The following PDE8B variants were observed in gnomAD, a reference collection of about 807,000 sequenced individuals.
The protein encoded by PDE8B is high affinity cAMP-specific and IBMX-insensitive 3',5'-cyclic phosphodiesterase 8B.
PDE8B carries 26 observed loss-of-function variants against 101.3 expected under a neutral mutation model. The ratio of observed to expected loss-of-function variants is 0.26; its 90% CI spans 0.19 to 0.36. The LOEUF is 0.36. PDE8B is among the 10% of genes least tolerant of loss of function. The pLI is 1.00. For synonymous variants in PDE8B, 424 were observed against 429.3 expected (o/e 0.99, Z 0.15); for missense variants, 810 against 1,163.1 (o/e 0.70, Z 4.42).
At chr5:77,285,857 C>T (rs1042553191) in intron 1 of PDE8B, among the ~76,000 whole-genome samples, 2 of 152,116 alleles carry the variant, frequency 1.3e-5, no homozygotes, top group African/African-American at 4.8e-5. Flanking sequence ...CCTCCCTAAT[C>T]TCTAGTCTGT....
chr5:77,316,184 T>C (rs1773729862), intron 2 of PDE8B, among the ~76,000 whole-genome samples: 1 of 152,236 alleles, frequency 6.6e-6, no homozygotes, highest in African/African-American at 2.4e-5. Context: ...TACATTTTCT[T>C]TTCTCTAATA....
In PDE8B at chr5:77,215,320, C is replaced by A. The variant is rs185322997; in HGVS notation, c.339+4056C>A. On this transcript the variant is annotated intron_variant, in intron 1 of 21. Transcript: ENST00000264917. ...GAATTCTTGCTAGGCCTTTCACCAT[C>A]ATTTTTCATTTTAAAATGAAGTATA... Among the ~76,000 whole-genome samples, 7 of 152,338 alleles carry A rather than the reference C, an allele frequency of 4.6e-5. No individual in the cohort carries two copies. The East Asian group carries it at 1.3e-3, about 29-fold the overall frequency.
At chr5:77,376,016 C>T (rs1786058878) in intron 10 of PDE8B, among the ~76,000 whole-genome samples, 1 of 151,902 alleles carries the variant, frequency 6.6e-6, no homozygotes, top group Non-Finnish European at 1.5e-5. Flanking sequence ...CCTCCACCTC[C>T]TGCGTAGCTG....
chr5:77,108,345 C>A, the PDE8B span, among the ~76,000 whole-genome samples: 1 of 152,142 alleles, frequency 6.6e-6, no homozygotes, highest in Non-Finnish European at 1.5e-5. Context: ...CTATTCATTT[C>A]TTTGACAGGC....
At position 77,303,888 on chromosome 5, in the gene PDE8B, C is replaced by T. The variant is rs149978875; in HGVS notation, c.340-8106C>T. Reference sequence around the variant, plus strand: ...AGTAACTCTAGTTGTTTCATTTTTACTGTTGTATAATATTCTATTGTATGG... The same window carrying T: ...AGTAACTCTAGTTGTTTCATTTTTATTGTTGTATAATATTCTATTGTATGG... On this transcript the variant is annotated intron_variant, in intron 1 of 21. Coordinates refer to ENST00000264917, the MANE Select transcript of PDE8B (RefSeq NM_003719.5). 5.0e-4 allele frequency among the ~76,000 whole-genome samples: 76 copies of T among 152,164 alleles called. 1 individual carries two copies. The East Asian group carries it at 6.9e-3, about 14-fold the overall frequency.
chr5:77,341,153 A>G (rs1002312757), intron 6 of PDE8B, among the ~76,000 whole-genome samples: 5 of 152,196 alleles, frequency 3.3e-5, no homozygotes, highest in Non-Finnish European at 7.3e-5. Flanking sequence ...CTCTAGAAAC[A>G]TGACTCAAGT....
the PDE8B span, among the ~76,000 whole-genome samples, chr5:77,175,817 C>T: frequency 6.6e-6 from 1 of 152,042 alleles, no homozygotes; most frequent in African/African-American, 2.4e-5. Flanking sequence ...ACCTCACCAC[C>T]GATTTATATA....
At chr5:77,264,535 G>GC (rs1761295026) in intron 1 of PDE8B, among the ~76,000 whole-genome samples, 1 of 152,040 alleles carries the variant, frequency 6.6e-6, no homozygotes, top group Non-Finnish European at 1.5e-5. Flanking sequence ...TCCTGAGCTA[G>GC]TCAGGATATT....
chr5:77,244,265 G>T (rs1485209251), intron 1 of PDE8B, among the ~76,000 whole-genome samples: 2 of 152,176 alleles, frequency 1.3e-5, no homozygotes, highest in African/African-American at 4.8e-5. Flanking sequence ...CCAGCTGTAG[G>T]CTCAGCTCTA....
chr5:77,125,059 G>C, the PDE8B span, among the ~76,000 whole-genome samples: 3 of 152,170 alleles, frequency 2.0e-5, no homozygotes, highest in African/African-American at 7.2e-5. Flanking sequence ...GGCACTCATA[G>C]CTCACTGCAG....
chr5:77,347,690 C>A (rs367794004), intron 7 of PDE8B, among the ~76,000 whole-genome samples: 1 of 152,156 alleles, frequency 6.6e-6, no homozygotes, highest in African/African-American at 2.4e-5. Context: ...AAAGTCTGCA[C>A]AGGCATCAGT....
At chr5:77,110,204 G>T in the PDE8B span, among the ~76,000 whole-genome samples, 1 of 151,906 alleles carries the variant, frequency 6.6e-6, no homozygotes, top group African/African-American at 2.4e-5. Flanking sequence ...TCCCCAAATT[G>T]CTGGGATTAC....
chr5:77,338,064 G>A (rs932792423), intron 6 of PDE8B, among the ~76,000 whole-genome samples: 13 of 152,166 alleles, frequency 8.5e-5, no homozygotes, highest in African/African-American at 2.4e-4. Flanking sequence ...TTCTCCACCC[G>A]TGGGCCACTG....
rs115116397 is a variant in PDE8B at position 77,398,967 on chromosome 5, C to T, written c.1168-1281C>T. Among the ~76,000 whole-genome samples the T allele has an allele frequency of 8.9e-3, 1,350 of 152,334 alleles. 10 individuals carry two copies. Among genetic ancestry groups the T allele is most frequent in the Non-Finnish European group, 0.011 (758 of 68,038 alleles). Reference sequence around the variant, plus strand: ...GAAGCTGAGAGGCCAAAGAAAGAGGCTGATGAATCCCGTTCCTCGGAATGA... The same window carrying T: ...GAAGCTGAGAGGCCAAAGAAAGAGGTTGATGAATCCCGTTCCTCGGAATGA... On this transcript the variant is annotated intron_variant, in intron 10 of 21. Coordinates refer to ENST00000264917, the MANE Select transcript of PDE8B (RefSeq NM_003719.5).
intron 2 of PDE8B, among the ~76,000 whole-genome samples, chr5:77,313,654 A>G (rs994317752): frequency 3.3e-5 from 5 of 152,228 alleles, no homozygotes; most frequent in Admixed American, 6.5e-5. Context: ...AAATGTTAAA[A>G]TATTTCAAAT....
intron 1 of PDE8B, among the ~76,000 whole-genome samples, chr5:77,277,664 T>G (rs1362827636): frequency 6.6e-6 from 1 of 152,240 alleles, no homozygotes; most frequent in Non-Finnish European, 1.5e-5. Flanking sequence ...GCCATTTCTC[T>G]TCTTTCTCTT....
rs1794687421 is a variant in PDE8B at position 77,412,140 on chromosome 5, C to T, written c.1617C>T (p.Thr539=). ...ACAGTCACCTTGCAATGCCAATAAC[C>T]ATCAATGATGTTCCCCCTTGTATCT... The part of the protein sequence containing the change: ...QSHSHLAMPI[T]INDVPPCISQ... Residue 539 remains threonine, a synonymous_variant, in exon 16 of 22, where the codon ACC becomes ACT. Transcript: ENST00000264917. 1 of 1,613,776 alleles carries T rather than the reference C, an allele frequency of 6.2e-7. No homozygotes were observed. Among genetic ancestry groups the T allele is most frequent in the African/African-American group, 1.3e-5 (1 of 74,926 alleles).
At chr5:77,102,962 T>C in the PDE8B span, among the ~76,000 whole-genome samples, 1 of 152,198 alleles carries the variant, frequency 6.6e-6, no homozygotes, top group Non-Finnish European at 1.5e-5. Context: ...GCTTTCCATG[T>C]GAAGAGGAGT....
intron 1 of PDE8B, among the ~76,000 whole-genome samples, chr5:77,299,855 TC>T (rs958102018): frequency 2.6e-5 from 4 of 152,182 alleles, no homozygotes; most frequent in African/African-American, 9.7e-5. Flanking sequence ...CACACTGACT[TC>T]CACAATGGTT....
Sources: allele counts gnomAD v4.1 joint callset (sites outside exome capture counted in the v4.1 genomes callset), GRCh38; gene constraint gnomAD v4.1.1; transcripts MANE v1.5; gene names NCBI Gene and HGNC (gene_info 2026-07-23, HGNC 2026-07-21).